SAXO1: variants seen among roughly 807,000 people sequenced by gnomAD.
The protein encoded by SAXO1 is 4930500O09Rik.
A neutral mutation model predicts 17.5 loss-of-function variants in SAXO1; 21 were observed. The ratio of observed to expected loss-of-function variants is 1.20; its 90% CI spans 0.85 to 1.72. The LOEUF (loss-of-function observed/expected upper bound fraction) is 1.72, where lower values mean the gene tolerates loss of function less well. Among genes scored for constraint, SAXO1 ranks in the 40% most tolerant of loss-of-function variants. The probability of loss-of-function intolerance (pLI) is 0.00; values close to 1 mark genes in which losing one functional copy is unlikely to be tolerated. For synonymous variants in SAXO1, 274 were observed against 216.5 expected, an observed-to-expected ratio of 1.27 and a Z score of -2.33; for missense variants, 843 against 596.0, an observed-to-expected ratio of 1.41 and a Z score of -4.32.
chr9:19,011,312 G>A (rs1265336424), intron 1 of SAXO1, among the ~76,000 whole-genome samples: 1 of 152,144 alleles, frequency 6.6e-6, no homozygotes, highest in Non-Finnish European at 1.5e-5. Context: ...TTTCTAACGA[G>A]GGAGGCAAGA....
In SAXO1 at chr9:18,927,795, T is replaced by G; in HGVS notation, c.*257A>C. ...CCCTCACAGACCAACTTTGATTCCA[T>G]AAGCACAAAGTAAAGGACCTGAAAC... On this transcript the variant is annotated 3_prime_UTR_variant, in exon 4 of 4. Transcript: ENST00000380534. 2.5e-6 allele frequency: 1 copy of G among 392,628 alleles called. No individual in the cohort carries two copies. The highest frequency in any genetic ancestry group is 4.5e-6 in the Non-Finnish European group (1 of 221,132). 24.3% of individuals were successfully genotyped at this position (392,628 alleles called of 1,614,324 possible). A position where few individuals can be genotyped will look rare whatever the true frequency, so the allele number is the denominator to read the frequency against.
intron 1 of SAXO1, among the ~76,000 whole-genome samples, chr9:18,954,830 G>C (rs1277870430): frequency 6.6e-6 from 1 of 151,552 alleles, no homozygotes; most frequent in Non-Finnish European, 1.5e-5. Context: ...AGTCATCTAT[G>C]ACTCTCAGGC....
Position 19,032,924 on chromosome 9 carries a change from G to A in SAXO1, c.-16C>T, listed in dbSNP as rs749331429. On this transcript the variant is annotated 5_prime_UTR_variant, in exon 1 of 4. Coordinates refer to ENST00000380534, the MANE Select transcript of SAXO1 (RefSeq NM_153707.4). The stretch of plus-strand genomic sequence containing the variant: ...TCGTCTTCATAGGGGCGATCCTGAG[G>A]CCCTGACGTCCCCTCAGAGCATCGC... 6.2e-7 allele frequency: 1 copy of A among 1,606,320 alleles called. No homozygotes were observed. The highest frequency in any genetic ancestry group is 8.5e-7 in the Non-Finnish European group (1 of 1,178,582).
intron 3 of SAXO1, among the ~76,000 whole-genome samples, chr9:18,939,713 G>A (rs1207239759): frequency 6.6e-6 from 1 of 152,230 alleles, no homozygotes. Flanking sequence ...GGCATCAGAG[G>A]AGGCAGAAAA....
rs144757584 is a variant in SAXO1 at position 18,928,330 on chromosome 9, G to A, written c.1147C>T (p.Pro383Ser). 9.9e-5 allele frequency: 160 copies of A among 1,613,466 alleles called. No individual in the cohort carries two copies. The highest frequency in any genetic ancestry group is 5.1e-4 in the African/African-American group (38 of 74,976). Reference protein sequence around the residue: ...TTRAHYVPHLPINTKSCKPHW... With the variant: ...TTRAHYVPHLSINTKSCKPHW... ...GGCTTACAGCTTTTGGTATTGATAG[G>A]CAGGTGGGGCACATAGTGGGCCCGA... is the stretch of plus-strand genomic sequence containing the variant. Residue 383 changes from proline (P) to serine (S), a missense_variant, in exon 4 of 4, where the codon CCT becomes TCT. Transcript: ENST00000380534.
At chr9:18,950,639 G>A (rs1831993584) in intron 2 of SAXO1, 119 bp downstream of exon 2, 1 of 824,452 alleles carries the variant, frequency 1.2e-6, no homozygotes. Flanking sequence ...AATATCATAT[G>A]TTGATACTGC....
chr9:19,013,217 C>CAAGGCAT (rs938938041), intron 1 of SAXO1, among the ~76,000 whole-genome samples: 4 of 152,086 alleles, frequency 2.6e-5, no homozygotes, highest in Non-Finnish European at 4.4e-5. Flanking sequence ...AATAACAGCA[C>CAAGGCAT]AAGGCATAAG....
At chr9:19,026,521 C>T (rs1048508229) in intron 1 of SAXO1, among the ~76,000 whole-genome samples, 1 of 152,120 alleles carries the variant, frequency 6.6e-6, no homozygotes, top group Non-Finnish European at 1.5e-5. Context: ...CCACCCACTC[C>T]CCCACCTAAC....
In SAXO1 at chr9:18,962,267, C is replaced by T. The variant is rs141405018; in HGVS notation, c.39-11330G>A. Among the ~76,000 whole-genome samples the T allele has an allele frequency of 3.0e-4, 46 of 152,174 alleles. 1 individual carries two copies. The East Asian group carries it at 8.9e-3, about 29-fold the overall frequency. On this transcript the variant is annotated intron_variant, in intron 1 of 3. Coordinates refer to ENST00000380534, the MANE Select transcript of SAXO1 (RefSeq NM_153707.4). ...ATTTTTAGTAGAGTCGGGGTTTCTC[C>T]ATGTTGATCAGGCTAGTCTTGAACT...
At chr9:18,972,774 GC>G (rs1805705860) in intron 1 of SAXO1, among the ~76,000 whole-genome samples, 1 of 152,134 alleles carries the variant, frequency 6.6e-6, no homozygotes, top group Admixed American at 6.5e-5. Flanking sequence ...TCTCCTCTTT[GC>G]TCTTCCTTTG....
chr9:18,964,719 T>A (rs576163571), intron 1 of SAXO1, among the ~76,000 whole-genome samples: 1 of 152,210 alleles, frequency 6.6e-6, no homozygotes, highest in African/African-American at 2.4e-5. Context: ...CCTGGATTCA[T>A]TGATTTTTTG....
chr9:18,991,214 C>A (rs897735206), intron 1 of SAXO1, among the ~76,000 whole-genome samples: 7 of 152,104 alleles, frequency 4.6e-5, no homozygotes, highest in African/African-American at 1.7e-4. Context: ...GCCAAGATTG[C>A]ACCACTACAC....
intron 1 of SAXO1, among the ~76,000 whole-genome samples, chr9:18,973,485 G>A (rs1321600575): frequency 1.3e-5 from 2 of 152,202 alleles, no homozygotes; most frequent in African/African-American, 4.8e-5. Flanking sequence ...ATTATCTCTA[G>A]TGCACACACA....
Position 18,927,933 on chromosome 9 carries a change from G to A in SAXO1, c.*119C>T, listed in dbSNP as rs1459453832. The A allele has an allele frequency of 4.4e-6, 5 of 1,147,602 alleles. No homozygotes were observed. The African/African-American group carries it at 7.7e-5, about 18-fold the overall frequency. The allele number at this position is 1,147,602 out of a possible 1,614,324, so 71.1% of individuals were successfully genotyped here. On this transcript the variant is annotated 3_prime_UTR_variant, in exon 4 of 4. Transcript: ENST00000380534. ...TTTATTCAAGTGCTCTGGAAGTGGT[G>A]AAGGTTTTTTGTTTTTTGTTTTTTG...
At chr9:18,985,051 C>T (rs556356787) in intron 1 of SAXO1, among the ~76,000 whole-genome samples, 19 of 152,070 alleles carry the variant, frequency 1.2e-4, no homozygotes, top group Non-Finnish European at 2.4e-4. Context: ...CAGATATTTT[C>T]AAATATTTGC....
At chr9:18,948,071 G>A (rs909198459) in intron 2 of SAXO1, among the ~76,000 whole-genome samples, 2 of 152,210 alleles carry the variant, frequency 1.3e-5, no homozygotes, top group African/African-American at 2.4e-5. Context: ...AAGAGCAGAG[G>A]GGTGACGACA....
chr9:18,968,249 T>A (rs1336856202), intron 1 of SAXO1, among the ~76,000 whole-genome samples: 1 of 152,230 alleles, frequency 6.6e-6, no homozygotes, highest in African/African-American at 2.4e-5. Context: ...TTCCTCATGT[T>A]GGCCAGGCTG....
chr9:18,965,158 G>A (rs559715001), intron 1 of SAXO1, among the ~76,000 whole-genome samples: 2 of 152,298 alleles, frequency 1.3e-5, no homozygotes, highest in African/African-American at 4.8e-5. Context: ...CATTTGCTGA[G>A]AAGTGTTTTA....
intron 3 of SAXO1, among the ~76,000 whole-genome samples, chr9:18,933,872 CT>C (rs1414582579): frequency 6.6e-6 from 1 of 152,064 alleles, no homozygotes; most frequent in Non-Finnish European, 1.5e-5. Flanking sequence ...TGGTGAAACC[CT>C]GTCTCTACTA....
Sources: allele counts gnomAD v4.1 joint callset (sites outside exome capture counted in the v4.1 genomes callset), GRCh38; gene constraint gnomAD v4.1.1; transcripts MANE v1.5; gene names NCBI Gene and HGNC (gene_info 2026-07-23, HGNC 2026-07-21).